SORCS2: variants seen among roughly 807,000 people sequenced by gnomAD.
SORCS2 encodes the protein VPS10 domain-containing receptor SorCS2.
In SORCS2, 100 loss-of-function variants were observed where a neutral mutation model predicts 141.6. The ratio of observed to expected loss-of-function variants is 0.71; its 90% CI spans 0.60 to 0.83. The LOEUF (loss-of-function observed/expected upper bound fraction) is 0.83, where lower values mean the gene tolerates loss of function less well. SORCS2 is among the 40% of genes least tolerant of loss of function. The probability of loss-of-function intolerance (pLI) is 0.00; values close to 1 mark genes in which losing one functional copy is unlikely to be tolerated. For synonymous variants in SORCS2, 789 were observed against 676.9 expected, an observed-to-expected ratio of 1.17 and a Z score of -2.57; for missense variants, 1,646 against 1,560.2, an observed-to-expected ratio of 1.05 and a Z score of -0.93.
At chr4:7,652,224 C>T (rs915238382) in intron 4 of SORCS2, among the ~76,000 whole-genome samples, 2 of 151,866 alleles carry the variant, frequency 1.3e-5, no homozygotes, top group African/African-American at 4.8e-5. Context: ...AGGACTGTCT[C>T]TTCCATGAAG....
chr4:7,334,956 G>C (rs1183827024), intron 1 of SORCS2, among the ~76,000 whole-genome samples: 1 of 152,154 alleles, frequency 6.6e-6, no homozygotes, highest in Non-Finnish European at 1.5e-5. Context: ...TAGGAGACGG[G>C]TGTGGAGGGA....
intron 4 of SORCS2, among the ~76,000 whole-genome samples, chr4:7,646,767 G>A (rs527514529): frequency 2.0e-4 from 30 of 152,322 alleles, no homozygotes; most frequent in African/African-American, 6.5e-4. Flanking sequence ...GCCTCAGAAC[G>A]GTGTGAGAAT....
At chr4:7,522,993 C>A in intron 2 of SORCS2, among the ~76,000 whole-genome samples, 1 of 137,776 alleles carries the variant, frequency 7.3e-6, no homozygotes, top group Admixed American at 7.5e-5. Flanking sequence ...CTTTCTTCTC[C>A]TTCCTCCCAC....
chr4:7,542,539 G>A lies in SORCS2; in HGVS notation c.648+10910G>A, dbSNP rs1034394342. On this transcript the variant is annotated intron_variant, in intron 3 of 26. Coordinates refer to ENST00000507866, the MANE Select transcript of SORCS2 (RefSeq NM_020777.3). ...AGGAAGGGGAGGCCTTGGAGCCCAC[G>A]ACACCAAAAACTAAAAGGAAAGCTT... 2.6e-5 allele frequency among the ~76,000 whole-genome samples: 4 copies of A among 152,240 alleles called. No individual in the cohort carries two copies. The South Asian group carries it at 8.3e-4, about 32-fold the overall frequency.
intron 20 of SORCS2, 111 bp downstream of exon 20, chr4:7,725,398 G>A (rs147367715): frequency 4.6e-5 from 66 of 1,426,418 alleles, no homozygotes; most frequent in Middle Eastern, 4.1e-4. Flanking sequence ...AGTGTAGGGT[G>A]CACTCCTCAC....
chr4:7,735,052 C>T (rs916363107), intron 25 of SORCS2, among the ~76,000 whole-genome samples: 4 of 152,254 alleles, frequency 2.6e-5, no homozygotes, highest in Admixed American at 6.5e-5. Flanking sequence ...GGCCACCCTG[C>T]AGGGGCTGGA....
chr4:7,210,478 G>T (rs1124588), intron 1 of SORCS2, among the ~76,000 whole-genome samples: 46,685 of 152,068 alleles, frequency 0.31, 7,788 homozygotes, highest in Non-Finnish European at 0.37. Flanking sequence ...ATGAGATCTC[G>T]CTGTGTTGCC....
At chr4:7,195,072 G>C (rs1477888186) in intron 1 of SORCS2, among the ~76,000 whole-genome samples, 1 of 152,012 alleles carries the variant, frequency 6.6e-6, no homozygotes, top group Non-Finnish European at 1.5e-5. Context: ...GGGGGTGGGG[G>C]GCTGTCAGAG....
At position 7,728,532 on chromosome 4, in the gene SORCS2, C is replaced by T. The variant is rs1437887893; in HGVS notation, c.2982+70C>T. Reference sequence around the variant, plus strand: ...CGGCATCCAGAGAAGCCCAAGGGCCCCGGGGTGCTCAGGGAAAGGAGAGGC... The same window carrying T: ...CGGCATCCAGAGAAGCCCAAGGGCCTCGGGGTGCTCAGGGAAAGGAGAGGC... On this transcript the variant is annotated intron_variant, in intron 22 of 26. Transcript: ENST00000507866. The T allele has an allele frequency of 4.3e-6, 5 of 1,167,636 alleles. No individual in the cohort carries two copies. The Admixed American group carries it at 9.9e-5, about 23-fold the overall frequency. 72.3% of individuals were successfully genotyped at this position (1,167,636 alleles called of 1,614,324 possible).
At chr4:7,306,240 G>A (rs1404656691) in intron 1 of SORCS2, among the ~76,000 whole-genome samples, 2 of 152,174 alleles carry the variant, frequency 1.3e-5, no homozygotes, top group African/African-American at 4.8e-5. Context: ...AGAGCCCACA[G>A]TCGGCTGGCT....
chr4:7,216,215 T>C (rs1240958895), intron 1 of SORCS2, among the ~76,000 whole-genome samples: 3 of 152,106 alleles, frequency 2.0e-5, no homozygotes, highest in African/African-American at 7.2e-5. Context: ...TTGAAGTCAG[T>C]GAGACCAAGA....
intron 3 of SORCS2, among the ~76,000 whole-genome samples, chr4:7,553,247 G>A (rs1023177423): frequency 5.9e-5 from 9 of 152,064 alleles, no homozygotes; most frequent in Non-Finnish European, 7.3e-5. Flanking sequence ...AGTTCCTGAA[G>A]GGGAACAAAG....
chr4:7,269,105 A>T (rs1212160699), intron 1 of SORCS2, among the ~76,000 whole-genome samples: 1 of 152,048 alleles, frequency 6.6e-6, no homozygotes, highest in African/African-American at 2.4e-5. Context: ...TCAGCGTTGC[A>T]GGGCGTCACC....
intron 18 of SORCS2, among the ~76,000 whole-genome samples, chr4:7,720,665 G>A (rs765758669): frequency 1.5e-4 from 23 of 152,168 alleles, no homozygotes; most frequent in Non-Finnish European, 3.1e-4. Context: ...GAAACAAACC[G>A]TCCAGTTAGG....
intron 1 of SORCS2, among the ~76,000 whole-genome samples, chr4:7,293,349 C>T (rs555496847): frequency 1.1e-4 from 16 of 152,176 alleles, no homozygotes; most frequent in African/African-American, 3.9e-4. Flanking sequence ...CCAGCCACCA[C>T]CTTTGTCCCC....
At chr4:7,385,684 G>A (rs1723251758) in intron 1 of SORCS2, among the ~76,000 whole-genome samples, 1 of 152,196 alleles carries the variant, frequency 6.6e-6, no homozygotes, top group Non-Finnish European at 1.5e-5. Context: ...GGCAGCTTGA[G>A]CCACCACCGT....
At chr4:7,446,355 C>A (rs573533407) in intron 2 of SORCS2, among the ~76,000 whole-genome samples, 2 of 152,206 alleles carry the variant, frequency 1.3e-5, no homozygotes, top group African/African-American at 4.8e-5. Flanking sequence ...CTCGCAGTGG[C>A]GTCCGCAGCA....
At chr4:7,272,103 G>T (rs1447961364) in intron 1 of SORCS2, among the ~76,000 whole-genome samples, 1 of 152,170 alleles carries the variant, frequency 6.6e-6, no homozygotes, top group Non-Finnish European at 1.5e-5. Context: ...GACTCATCTT[G>T]GATAACTTTG....
chr4:7,652,431 G>T (rs760056293), intron 4 of SORCS2, among the ~76,000 whole-genome samples: 1 of 152,132 alleles, frequency 6.6e-6, no homozygotes, highest in Non-Finnish European at 1.5e-5. Flanking sequence ...CCCCAGGCCT[G>T]GGGCACTGAC....
Sources: gnomAD v4.1 joint callset for allele counts (sites outside exome capture counted in the v4.1 genomes callset) on GRCh38, gnomAD v4.1.1 for gene constraint, MANE v1.5 for transcripts, NCBI Gene and HGNC (gene_info 2026-07-23, HGNC 2026-07-21) for gene names.